ZCCHC8: variants seen among roughly 807,000 people sequenced by gnomAD.
The protein encoded by ZCCHC8 is zinc finger CCHC-type containing 8.
A neutral mutation model predicts 70.6 loss-of-function variants in ZCCHC8; 27 were observed. The ratio of observed to expected loss-of-function variants is 0.38; its 90% CI spans 0.28 to 0.53. The LOEUF (loss-of-function observed/expected upper bound fraction) is 0.53. Among genes scored for constraint, ZCCHC8 ranks in the 20% least tolerant of loss-of-function variants. ZCCHC8 has a pLI of 0.81. For missense variants in ZCCHC8, 737 were observed against 876.9 expected (o/e 0.84, Z 2.01); for synonymous variants, 293 against 317.4 (o/e 0.92, Z 0.82).
Position 122,473,460 on chromosome 12 carries a change from A to G in ZCCHC8, c.*37T>C. The G allele has an allele frequency of 6.3e-7, 1 of 1,593,278 alleles. No individual in the cohort carries two copies. The highest frequency in any genetic ancestry group is 1.1e-5 in the South Asian group (1 of 88,218). The stretch of plus-strand genomic sequence containing the variant: ...CTTAATTAGTACTAATTAACGGAAC[A>G]AAGTTATTAAATAGCTCTCAGTGCT... On this transcript the variant is annotated 3_prime_UTR_variant, in exon 14 of 14. Transcript: ENST00000633063.
At chr12:122,478,360 C>T (rs1957462903) in intron 11 of ZCCHC8, 68 bp from the exon 12 acceptor site, 1 of 1,225,560 alleles carries the variant, frequency 8.2e-7, no homozygotes, top group East Asian at 2.5e-5. Context: ...TGAGATTTTG[C>T]TCAAAGGAGG....
At chr12:122,478,813 G>T (rs1282475079) in intron 11 of ZCCHC8, among the ~76,000 whole-genome samples, 1 of 152,104 alleles carries the variant, frequency 6.6e-6, no homozygotes, top group East Asian at 1.9e-4. Flanking sequence ...AAACATACAG[G>T]TTCTAGGTTT....
chr12:122,485,344 C>A (rs1215222186), intron 5 of ZCCHC8, among the ~76,000 whole-genome samples: 2 of 152,216 alleles, frequency 1.3e-5, no homozygotes, highest in Non-Finnish European at 2.9e-5. Context: ...AAACTCTCGA[C>A]CTCAGGTGAT....
chr12:122,489,190 T>C (rs1957700241), intron 5 of ZCCHC8, among the ~76,000 whole-genome samples, 196 bp downstream of exon 5: 1 of 152,266 alleles, frequency 6.6e-6, no homozygotes, highest in South Asian at 2.1e-4. Context: ...GTATGTTTAC[T>C]GTGCCCCAGG....
At chr12:122,493,725 G>A (rs953140532) in intron 2 of ZCCHC8, among the ~76,000 whole-genome samples, 1 of 152,174 alleles carries the variant, frequency 6.6e-6, no homozygotes, top group Non-Finnish European at 1.5e-5. Flanking sequence ...CCATTCTCCT[G>A]CCTCAGCTTC....
chr12:122,482,777 G>A (rs1454232698), intron 7 of ZCCHC8, 82 bp from the exon 8 acceptor site: 3 of 1,179,764 alleles, frequency 2.5e-6, no homozygotes, highest in Non-Finnish European at 3.6e-6. Flanking sequence ...TGACAGCAAA[G>A]TGTATCAGAG....
rs570906262 is a variant in ZCCHC8, at chr12:122,482,709, A to C, written c.672-14T>G. On this transcript the variant is annotated splice_polypyrimidine_tract_variant and intron_variant, in intron 7 of 13. Coordinates refer to ENST00000633063, the MANE Select transcript of ZCCHC8 (RefSeq NM_017612.5). ...TGAGGCTTTGGCCTATTTGGTCAAA[A>C]GACAAAGATTTTTATAATGTCAATA... 1 of 1,595,636 alleles carries C rather than the reference A, an allele frequency of 6.3e-7. No homozygotes were observed. Among genetic ancestry groups the C allele is most frequent in the South Asian group, 1.1e-5 (1 of 87,144 alleles).
rs2137357608 is a variant in ZCCHC8, at chr12:122,490,512, C to T, written c.373G>A (p.Glu125Lys). 1 of 1,612,642 alleles carries T rather than the reference C, an allele frequency of 6.2e-7. No individual in the cohort carries two copies. Among genetic ancestry groups the T allele is most frequent in the Non-Finnish European group, 8.5e-7 (1 of 1,179,338 alleles). ...FVSNLVKRFE[E>K]QQKNDVEKTS... ...TTTTCCACATCATTTTTCTGCTGTT[C>T]CTCAAATCTTTTTACTAAATTTGAT... The change falls in exon 4 of 14, where the codon GAA (glutamate) becomes AAA (lysine). Residue 125 changes from glutamate (E) to lysine (K), a missense_variant. Coordinates refer to ENST00000633063, the MANE Select transcript of ZCCHC8 (RefSeq NM_017612.5).
intron 2 of ZCCHC8, among the ~76,000 whole-genome samples, chr12:122,495,639 G>T (rs1957814440): frequency 6.6e-6 from 1 of 152,052 alleles, no homozygotes; most frequent in South Asian, 2.1e-4. Flanking sequence ...CATGAGGTCA[G>T]GAGTTCAAGA....
At position 122,492,701 on chromosome 12, in the gene ZCCHC8, A is replaced by T; in HGVS notation, c.317+14T>A. 1 of 1,488,520 alleles carries T rather than the reference A, an allele frequency of 6.7e-7. No homozygotes were observed. The highest frequency in any genetic ancestry group is 9.1e-7 in the Non-Finnish European group (1 of 1,094,152). 92.2% of individuals were successfully genotyped at this position (1,488,520 alleles called of 1,614,324 possible). A position where few individuals can be genotyped will look rare whatever the true frequency, so the allele number is the denominator to read the frequency against. On this transcript the variant is annotated intron_variant, in intron 3 of 13. Transcript: ENST00000633063. ...ACACATTATTATATTTAGGAAAGGG[A>T]AAAAATTACTTACTTTGAAATAGCA...
chr12:122,476,534 C>T (rs1470738553), intron 13 of ZCCHC8, among the ~76,000 whole-genome samples: 2 of 151,728 alleles, frequency 1.3e-5, no homozygotes, highest in African/African-American at 4.9e-5. Flanking sequence ...TCTGAGGCTG[C>T]ACTGAGCCAT....
chr12:122,482,495 AAAGATTTCAAATTAAAGGACAC>A (rs1234332265), intron 8 of ZCCHC8, 118 bp downstream of exon 8: 5 of 521,128 alleles, frequency 9.6e-6, no homozygotes, highest in African/African-American at 2.0e-5. Flanking sequence ...ACAAATTTGA[AAAGATTTCAAATTAAAGGACAC>A]AAGATTTCAA....
chr12:122,487,561 T>A (rs1745222917), intron 5 of ZCCHC8, among the ~76,000 whole-genome samples: 1 of 152,236 alleles, frequency 6.6e-6, no homozygotes, highest in African/African-American at 2.4e-5. Context: ...TTTTTTCTTT[T>A]GAATGCCAGG....
In ZCCHC8 at chr12:122,473,889, G is replaced by C; in HGVS notation, c.1732C>G (p.Leu578Val). The change falls in exon 14 of 14, where the codon CTG becomes GTG. Residue 578 changes from leucine to valine, a missense_variant. By Grantham distance (32) the Leu-to-Val change is conservative. Coordinates refer to ENST00000633063, the MANE Select transcript of ZCCHC8 (RefSeq NM_017612.5). The stretch of plus-strand genomic sequence containing the variant: ...ATCTCTGGTACCTCAGGCTCATCCA[G>C]CGTCTGCTTTTCAGATGTTTTTCCC... ...PEGKTSEKQT[L>V]DEPEVPEIFT... is the part of the protein sequence containing the mutation. 1 of 1,613,880 alleles carries C rather than the reference G, an allele frequency of 6.2e-7. No individual in the cohort carries two copies. Among genetic ancestry groups the C allele is most frequent in the Non-Finnish European group, 8.5e-7 (1 of 1,179,886 alleles).
In ZCCHC8 at chr12:122,472,116, A is replaced by G. The variant is rs1957326950; in HGVS notation, c.*1381T>C. The G allele has an allele frequency of 6.6e-6, 1 of 151,826 alleles. No homozygotes were observed. The highest frequency in any genetic ancestry group is 1.9e-4 in the East Asian group (1 of 5,178). 9.4% of individuals were successfully genotyped at this position (151,826 alleles called of 1,614,324 possible). A position where few individuals can be genotyped will look rare whatever the true frequency, so the allele number is the denominator to read the frequency against. On this transcript the variant is annotated 3_prime_UTR_variant, in exon 14 of 14. Transcript: ENST00000633063. ...ACTTTTCAAAAATTCTGCTGTTTCT[A>G]TATTTAAGGCTGAAATCCACTGAAA... is the stretch of plus-strand genomic sequence containing the variant.
intron 4 of ZCCHC8, among the ~76,000 whole-genome samples, chr12:122,489,981 A>T (rs534174427): frequency 8.6e-5 from 11 of 128,608 alleles, no homozygotes; most frequent in African/African-American, 2.3e-4. Flanking sequence ...AATTTTTAAT[A>T]AAAAAAAAAA....
At chr12:122,492,546 GTGACCCCAA>G (rs1306230149) in intron 3 of ZCCHC8, among the ~76,000 whole-genome samples, 160 bp downstream of exon 3, 1 of 152,192 alleles carries the variant, frequency 6.6e-6, no homozygotes, top group Non-Finnish European at 1.5e-5. Context: ...TCAGGTCACT[GTGACCCCAA>G]TGTCCTTGCT....
intron 5 of ZCCHC8, among the ~76,000 whole-genome samples, chr12:122,486,468 TA>T (rs970557568): frequency 2.3e-4 from 34 of 149,856 alleles, no homozygotes; most frequent in Non-Finnish European, 4.4e-5. Flanking sequence ...CATTTCTACT[TA>T]AAACCCTCTA....
intron 2 of ZCCHC8, among the ~76,000 whole-genome samples, chr12:122,497,773 C>T (rs899515570): frequency 1.3e-5 from 2 of 151,768 alleles, no homozygotes; most frequent in Non-Finnish European, 2.9e-5. Context: ...CTTTGGGAGG[C>T]CTAGGCAGAA....
Sources: gnomAD v4.1 joint callset for allele counts (sites outside exome capture counted in the v4.1 genomes callset) on GRCh38, gnomAD v4.1.1 for gene constraint, MANE v1.5 for transcripts, NCBI Gene and HGNC (gene_info 2026-07-23, HGNC 2026-07-21) for gene names.